The following GSTCD variants were observed in gnomAD, a reference collection of about 807,000 sequenced individuals.
GSTCD encodes the protein glutathione S-transferase C-terminal domain-containing protein.
GSTCD carries 44 observed loss-of-function variants against 68.3 expected under a neutral mutation model. The observed-to-expected ratio is 0.64, with a 90% CI of 0.51 to 0.83. GSTCD has a LOEUF of 0.83. Ranked by LOEUF, GSTCD falls within the 40% of genes least tolerant of loss-of-function variation. The pLI is 0.00. For synonymous variants in GSTCD, 273 were observed against 255.2 expected (o/e 1.07, Z -0.67); for missense variants, 739 against 735.9 (o/e 1.00, Z -0.05).
intron 9 of GSTCD, among the ~76,000 whole-genome samples, chr4:105,835,548 G>A (rs903356420): frequency 6.6e-6 from 1 of 152,090 alleles, no homozygotes; most frequent in Admixed American, 6.6e-5. Context: ...AACGCCAGGA[G>A]CCACAGAACC....
chr4:105,834,092 T>C (rs746634397), intron 8 of GSTCD, among the ~76,000 whole-genome samples: 1 of 152,210 alleles, frequency 6.6e-6, no homozygotes, highest in Non-Finnish European at 1.5e-5. Flanking sequence ...CCATCATTTA[T>C]AGTTGAAGAG....
At chr4:105,726,416 A>T (rs1000106053) in intron 3 of GSTCD, among the ~76,000 whole-genome samples, 163 bp from the exon 4 acceptor site, 3 of 152,152 alleles carry the variant, frequency 2.0e-5, no homozygotes, top group Admixed American at 1.3e-4. Context: ...GGGTGACGTA[A>T]GTGTTCTAAA....
intron 1 of GSTCD, among the ~76,000 whole-genome samples, chr4:105,716,739 G>A (rs1182453220): frequency 6.6e-6 from 1 of 152,226 alleles, no homozygotes; most frequent in East Asian, 1.9e-4. Flanking sequence ...GTGGTGCCAA[G>A]AATGTTGGAG....
chr4:105,778,915 C>G (rs1735173779), intron 5 of GSTCD, among the ~76,000 whole-genome samples: 1 of 152,098 alleles, frequency 6.6e-6, no homozygotes, highest in South Asian at 2.1e-4. Flanking sequence ...CCCACACATA[C>G]TCATTCTCTG....
At chr4:105,770,359 CT>C (rs67376535) in intron 5 of GSTCD, among the ~76,000 whole-genome samples, 101,341 of 148,724 alleles carry the variant, frequency 0.68, 39,180 homozygotes, top group East Asian at 0.9. Context: ...GTTCCTTATA[CT>C]TTTTTTTTTT....
intron 1 of GSTCD, among the ~76,000 whole-genome samples, chr4:105,717,178 G>A (rs778681651): frequency 6.6e-6 from 1 of 152,124 alleles, no homozygotes; most frequent in African/African-American, 2.4e-5. Flanking sequence ...TTGTAGGGTC[G>A]TAAAAAAGAA....
Position 105,825,878 on chromosome 4 carries a change from T to C in GSTCD, c.1530+78T>C, listed in dbSNP as rs1723579413. 1.2e-5 allele frequency: 10 copies of C among 866,232 alleles called. No individual in the cohort carries two copies. The South Asian group carries it at 1.5e-4, about 13-fold the overall frequency. 53.7% of individuals were successfully genotyped at this position (866,232 alleles called of 1,614,324 possible). The stretch of plus-strand genomic sequence containing the variant: ...CATGCCTTAGAGTAAATAAAAAAGA[T>C]AATTTTGTGTTCTTTGCCAAACAAA... On this transcript the variant is annotated intron_variant, in intron 8 of 11. Coordinates refer to ENST00000515279, the MANE Select transcript of GSTCD (RefSeq NM_001370181.1).
At chr4:105,806,471 T>C (rs1041810851) in intron 5 of GSTCD, among the ~76,000 whole-genome samples, 3 of 152,086 alleles carry the variant, frequency 2.0e-5, no homozygotes, top group African/African-American at 7.2e-5. Context: ...TAAACCATGC[T>C]TATTTTCTCC....
chr4:105,719,063 A>G lies in GSTCD; in HGVS notation c.430A>G (p.Ser144Gly). The stretch of plus-strand genomic sequence containing the variant: ...TTGTTTTGTTTTTGTTTTGTAGGTT[A>G]GTCAGTGGACCAGGCTATGTGAACT... ...KTCLKACAEV[S>G]QWTRLCELTI... Residue 144 changes from serine to glycine, a missense_variant, in exon 3 of 12, where the codon AGT (serine) becomes GGT (glycine). Physicochemically the swap from Ser to Gly is moderately conservative, Grantham distance 56. Coordinates refer to ENST00000515279, the MANE Select transcript of GSTCD (RefSeq NM_001370181.1). 6.3e-7 allele frequency: 1 copy of G among 1,594,988 alleles called. No homozygotes were observed. Among genetic ancestry groups the G allele is most frequent in the Non-Finnish European group, 8.5e-7 (1 of 1,171,722 alleles).
At chr4:105,781,434 T>G (rs1735269284) in intron 5 of GSTCD, among the ~76,000 whole-genome samples, 1 of 151,828 alleles carries the variant, frequency 6.6e-6, no homozygotes, top group Admixed American at 6.6e-5. Flanking sequence ...TTTAAAGTTT[T>G]TGTAGAGATG....
At chr4:105,729,618 G>C (rs1733162091) in intron 5 of GSTCD, 119 bp downstream of exon 5, 1 of 486,322 alleles carries the variant, frequency 2.1e-6, no homozygotes, top group Non-Finnish European at 3.5e-6. Flanking sequence ...ACTATCAGTT[G>C]AGTTTTCATT....
At chr4:105,721,260 T>C (rs896414112) in intron 3 of GSTCD, among the ~76,000 whole-genome samples, 1 of 152,174 alleles carries the variant, frequency 6.6e-6, no homozygotes, top group African/African-American at 2.4e-5. Flanking sequence ...GATAAACCCT[T>C]GATATTTGTT....
intron 5 of GSTCD, among the ~76,000 whole-genome samples, chr4:105,752,840 A>G (rs1734053203): frequency 6.6e-6 from 1 of 152,116 alleles, no homozygotes; most frequent in African/African-American, 2.4e-5. Flanking sequence ...CAAAGGCTAA[A>G]ACAGGATTTA....
At chr4:105,836,859 A>G (rs1177048439) in intron 9 of GSTCD, among the ~76,000 whole-genome samples, 3 of 152,240 alleles carry the variant, frequency 2.0e-5, no homozygotes, top group Admixed American at 2.0e-4. Flanking sequence ...TCAATCACCA[A>G]AAATACAGTT....
intron 5 of GSTCD, among the ~76,000 whole-genome samples, chr4:105,768,692 T>C (rs953728517): frequency 1.3e-5 from 2 of 151,910 alleles, no homozygotes; most frequent in African/African-American, 4.8e-5. Context: ...ATATATATAA[T>C]ATAGTTGGGT....
chr4:105,783,370 A>G (rs947066614), intron 5 of GSTCD, among the ~76,000 whole-genome samples: 5 of 152,296 alleles, frequency 3.3e-5, no homozygotes, highest in African/African-American at 9.6e-5. Flanking sequence ...AAACTTCCTG[A>G]TACATTCTTG....
At chr4:105,814,608 A>C in intron 5 of GSTCD, among the ~76,000 whole-genome samples, 1 of 151,348 alleles carries the variant, frequency 6.6e-6, no homozygotes, top group Admixed American at 6.6e-5. Context: ...ACTCTGTCTC[A>C]AAAAAAATAA....
At chr4:105,781,897 C>T (rs1042840533) in intron 5 of GSTCD, among the ~76,000 whole-genome samples, 3 of 151,254 alleles carry the variant, frequency 2.0e-5, no homozygotes, top group African/African-American at 7.3e-5. Flanking sequence ...TGCCATAGTG[C>T]TATTTTCTAA....
chr4:105,756,227 G>A (rs11724884), intron 5 of GSTCD, among the ~76,000 whole-genome samples: 8,182 of 152,048 alleles, frequency 0.054, 254 homozygotes, highest in Middle Eastern at 0.14. Context: ...AGAACCCCCT[G>A]CTTCAGGGAT....
Sources: allele counts gnomAD v4.1 joint callset (sites outside exome capture counted in the v4.1 genomes callset), GRCh38; gene constraint gnomAD v4.1.1; transcripts MANE v1.5; gene names NCBI Gene and HGNC (gene_info 2026-07-23, HGNC 2026-07-21).